Variants in IFT88 observed in about 807,000 individuals in gnomAD.
The protein encoded by IFT88 is intraflagellar transport protein 88 homolog.
Under a neutral mutation model 119.5 loss-of-function variants are expected in IFT88, and 74 were observed. The observed-to-expected ratio is 0.62, with a 90% confidence interval of 0.51 to 0.75. The LOEUF is 0.75. Among genes scored for constraint, IFT88 ranks in the 30% least tolerant of loss-of-function variants. The pLI, the probability that IFT88 is intolerant of heterozygous loss-of-function variation, is 0.00. For missense variants in IFT88, 961 were observed against 977.7 expected, an observed-to-expected ratio of 0.98 and a Z score of 0.23; for synonymous variants, 279 against 316.7, an observed-to-expected ratio of 0.88 and a Z score of 1.26.
chr13:20,677,812 A>G (rs999225892), intron 24 of IFT88, among the ~76,000 whole-genome samples: 1 of 152,256 alleles, frequency 6.6e-6, no homozygotes, highest in Admixed American at 6.5e-5. Flanking sequence ...AATGAAATCA[A>G]TTTATAGCTC....
intron 13 of IFT88, 76 bp from the exon 14 acceptor site, chr13:20,615,717 T>C (rs1441772241): frequency 5.7e-5 from 42 of 743,038 alleles, no homozygotes; most frequent in Non-Finnish European, 8.5e-5. Context: ...AGATAATGTT[T>C]ACACTTAAAT....
intron 23 of IFT88, among the ~76,000 whole-genome samples, chr13:20,667,129 C>T (rs1031852897): frequency 1.3e-5 from 2 of 152,158 alleles, no homozygotes; most frequent in African/African-American, 4.8e-5. Flanking sequence ...TCATTTATGT[C>T]AATCATTGTT....
In IFT88 at chr13:20,670,985, G is replaced by A. The variant is rs147235446; in HGVS notation, c.2188G>A (p.Gly730Ser). 19 of 1,613,930 alleles carry A rather than the reference G, an allele frequency of 1.2e-5. No homozygotes were observed. The highest frequency in any genetic ancestry group is 1.6e-5 in the Non-Finnish European group (19 of 1,179,918). ...CTCTTTGCTCTAGCGCATAAAGTCA[G>A]GCAGAGATGGCAGTGGGGGCTCCCG... ...KEIREQRIKSGRDGSGGSRGK... is the reference protein window; with the variant it reads ...KEIREQRIKSSRDGSGGSRGK... The change falls in exon 24 of 26, where the codon GGC becomes AGC. Residue 730 changes from glycine to serine, a missense_variant. Gly to Ser is a moderately conservative substitution (Grantham distance 56). Coordinates refer to ENST00000351808, the MANE Select transcript of IFT88 (RefSeq NM_006531.5).
intron 24 of IFT88, among the ~76,000 whole-genome samples, chr13:20,685,583 G>T (rs7332493): frequency 1.3e-5 from 2 of 151,970 alleles, no homozygotes; most frequent in Non-Finnish European, 2.9e-5. Flanking sequence ...TAAAATGCCC[G>T]TACCCAGCCG....
Position 20,663,482 on chromosome 13 carries a change from A to G in IFT88, c.2069-16A>G, listed in dbSNP as rs369553457. 1.2e-5 allele frequency: 19 copies of G among 1,607,974 alleles called. No individual in the cohort carries two copies. The highest frequency in any genetic ancestry group is 4.0e-5 in the African/African-American group (3 of 74,606). ...TGTGCCTATATTCTTTCCTAAATGT[A>G]TATTTTACAATTTAGGTCTGCGTTT... On this transcript the variant is annotated splice_polypyrimidine_tract_variant and intron_variant, in intron 22 of 25. Transcript: ENST00000351808.
At chr13:20,673,293 T>A (rs2056179854) in intron 24 of IFT88, among the ~76,000 whole-genome samples, 1 of 152,194 alleles carries the variant, frequency 6.6e-6, no homozygotes, top group Admixed American at 6.5e-5. Context: ...GTTTCCCAGA[T>A]GCCATCACTT....
At chr13:20,658,118 T>TG (rs907153754) in intron 22 of IFT88, among the ~76,000 whole-genome samples, 1 of 151,418 alleles carries the variant, frequency 6.6e-6, no homozygotes, top group African/African-American at 2.4e-5. Context: ...TTTTTTGAGA[T>TG]GGAGTTTTCT....
At chr13:20,573,981 T>C (rs1001809156) in intron 1 of IFT88, among the ~76,000 whole-genome samples, 2 of 152,216 alleles carry the variant, frequency 1.3e-5, no homozygotes, top group African/African-American at 2.4e-5. Flanking sequence ...AAAATATATA[T>C]AGATAAATTT....
intron 24 of IFT88, among the ~76,000 whole-genome samples, chr13:20,688,829 T>C (rs2058211786): frequency 6.6e-6 from 1 of 152,186 alleles, no homozygotes; most frequent in Non-Finnish European, 1.5e-5. Flanking sequence ...AGGGCTCAAG[T>C]GATCCTCCCA....
At chr13:20,649,099 C>T (rs182260194) in intron 20 of IFT88, among the ~76,000 whole-genome samples, 1 of 152,214 alleles carries the variant, frequency 6.6e-6, no homozygotes, top group Non-Finnish European at 1.5e-5. Context: ...TGTGTGTTAC[C>T]GTCTGTGAAC....
At chr13:20,688,050 C>T (rs1452009173) in intron 24 of IFT88, among the ~76,000 whole-genome samples, 2 of 152,192 alleles carry the variant, frequency 1.3e-5, no homozygotes, top group South Asian at 4.1e-4. Context: ...AAAGAGGCCA[C>T]TCTGGCCGGG....
At chr13:20,661,289 G>C (rs1190030621) in intron 22 of IFT88, among the ~76,000 whole-genome samples, 1 of 152,168 alleles carries the variant, frequency 6.6e-6, no homozygotes, top group Non-Finnish European at 1.5e-5. Flanking sequence ...GGAAGGAAAG[G>C]CAGGAACAGG....
At chr13:20,662,799 T>G (rs912641093) in intron 22 of IFT88, among the ~76,000 whole-genome samples, 1 of 152,242 alleles carries the variant, frequency 6.6e-6, no homozygotes, top group African/African-American at 2.4e-5. Flanking sequence ...AAACACAAGC[T>G]TGAATGAAAA....
intron 16 of IFT88, among the ~76,000 whole-genome samples, chr13:20,634,784 T>G (rs1382785255): frequency 1.4e-5 from 2 of 141,080 alleles, no homozygotes; most frequent in Non-Finnish European, 3.1e-5. Flanking sequence ...AATTTCTTCT[T>G]GATCCAAAGA....
chr13:20,622,155 C>T (rs746517515), intron 14 of IFT88, among the ~76,000 whole-genome samples: 41 of 152,134 alleles, frequency 2.7e-4, no homozygotes, highest in Non-Finnish European at 5.6e-4. Flanking sequence ...TGTAATCCTC[C>T]AATGAGCATT....
chr13:20,577,988 T>A (rs1204408589), intron 2 of IFT88, among the ~76,000 whole-genome samples: 1 of 151,350 alleles, frequency 6.6e-6, no homozygotes, highest in East Asian at 1.9e-4. Flanking sequence ...GTGCCGAGCT[T>A]TTCTTTGCTG....
rs116366234 is a variant in IFT88 at position 20,613,770 on chromosome 13, G to A, written c.1113-2023G>A. ...ATACAAAGGAATGAAGTACTGATACGTGCTGTTAGGTTGGTGCAAAAGTAA... is the reference window on the plus strand; with the variant it reads ...ATACAAAGGAATGAAGTACTGATACATGCTGTTAGGTTGGTGCAAAAGTAA... On this transcript the variant is annotated intron_variant, in intron 13 of 25. Transcript: ENST00000351808. Among the ~76,000 whole-genome samples the A allele has an allele frequency of 3.1e-3, 468 of 152,142 alleles. 1 individual carries two copies. The highest frequency in any genetic ancestry group is 0.011 in the African/African-American group (454 of 41,528).
intron 21 of IFT88, among the ~76,000 whole-genome samples, chr13:20,655,349 T>G (rs9509316): frequency 0.65 from 98,676 of 151,314 alleles, 34,504 homozygotes; most frequent in East Asian, 1. Flanking sequence ...GGAGAATCAC[T>G]TGAAGCCAGG....
At chr13:20,603,499 T>C (rs962490937) in intron 12 of IFT88, among the ~76,000 whole-genome samples, 1 of 152,204 alleles carries the variant, frequency 6.6e-6, no homozygotes, top group African/African-American at 2.4e-5. Context: ...GTCTCAGTTC[T>C]TTTATATATG....
Sources: allele counts gnomAD v4.1 joint callset (sites outside exome capture counted in the v4.1 genomes callset), GRCh38; gene constraint gnomAD v4.1.1; transcripts MANE v1.5; gene names NCBI Gene and HGNC (gene_info 2026-07-23, HGNC 2026-07-21).